The following TMEM232 variants were observed in gnomAD, a reference collection of about 807,000 sequenced individuals.
TMEM232 encodes the protein transmembrane protein 232.
TMEM232 carries 80 observed loss-of-function variants against 78.8 expected under a neutral mutation model. The observed-to-expected ratio is 1.01, with a 90% confidence interval of 0.85 to 1.22. TMEM232 has a LOEUF of 1.22. Among genes scored for constraint, TMEM232 ranks in the 50% most tolerant of loss-of-function variants. The pLI is 0.00. For missense variants in TMEM232, 881 were observed against 742.2 expected (o/e 1.19, Z -2.17); for synonymous variants, 297 against 254.3 (o/e 1.17, Z -1.60).
intron 12 of TMEM232, chr5:110,513,920 T>C (rs1768180845): frequency 5.9e-6 from 1 of 170,256 alleles, no homozygotes; most frequent in South Asian, 2.0e-4. Context: ...CCTAATATTT[T>C]GAGTACATAT....
At chr5:110,628,457 A>T (rs1297175051) in intron 5 of TMEM232, among the ~76,000 whole-genome samples, 1 of 152,138 alleles carries the variant, frequency 6.6e-6, no homozygotes, top group Non-Finnish European at 1.5e-5. Context: ...GTCATTATTA[A>T]ATAAGCAATG....
chr5:110,548,311 T>C lies in TMEM232; in HGVS notation c.1456-19476A>G, dbSNP rs148989351. 6.5e-3 allele frequency among the ~76,000 whole-genome samples: 976 copies of C among 150,032 alleles called. 20 individuals carry two copies. The highest frequency in any genetic ancestry group is 0.022 in the African/African-American group (902 of 41,228). On this transcript the variant is annotated intron_variant, in intron 11 of 13. Coordinates refer to ENST00000455884, the MANE Select transcript of TMEM232 (RefSeq NM_001039763.4). ...AATTAAAATGCTAAACAGAATTGCA[T>C]AAGAAAGTGGGTATAAATATTAAAT...
intron 1 of TMEM232, among the ~76,000 whole-genome samples, chr5:110,736,742 A>G (rs1799211181): frequency 6.6e-6 from 1 of 151,964 alleles, no homozygotes; most frequent in African/African-American, 2.4e-5. Flanking sequence ...ATACAGTCAC[A>G]TTACTCCTCT....
At chr5:110,498,093 A>G (rs1331673484) in intron 12 of TMEM232, among the ~76,000 whole-genome samples, 1 of 152,196 alleles carries the variant, frequency 6.6e-6, no homozygotes, top group Non-Finnish European at 1.5e-5. Context: ...AGACTCTTCA[A>G]ATAAGCATGG....
At chr5:110,656,064 A>C (rs1789009433) in intron 2 of TMEM232, among the ~76,000 whole-genome samples, 1 of 152,036 alleles carries the variant, frequency 6.6e-6, no homozygotes, top group Non-Finnish European at 1.5e-5. Context: ...ATAAAAAAAA[A>C]ACAATACTTT....
intron 12 of TMEM232, among the ~76,000 whole-genome samples, chr5:110,524,238 G>A (rs1360196139): frequency 2.1e-5 from 3 of 144,142 alleles, no homozygotes; most frequent in Non-Finnish European, 4.5e-5. Flanking sequence ...TCCAGCTTGG[G>A]CGTCAGAACG....
intron 11 of TMEM232, among the ~76,000 whole-genome samples, chr5:110,554,166 T>A (rs1468263450): frequency 1.2e-4 from 18 of 152,050 alleles, no homozygotes; most frequent in Admixed American, 1.2e-3. Flanking sequence ...AACATTTGAG[T>A]CAGTGGGCTG....
At chr5:110,612,128 A>T (rs1241833557) in intron 8 of TMEM232, among the ~76,000 whole-genome samples, 2 of 152,090 alleles carry the variant, frequency 1.3e-5, no homozygotes, top group Admixed American at 1.3e-4. Context: ...TCTCATTTAA[A>T]TTTTTCAAAA....
At chr5:110,509,317 C>T (rs1767412280) in intron 12 of TMEM232, among the ~76,000 whole-genome samples, 1 of 151,882 alleles carries the variant, frequency 6.6e-6, no homozygotes. Context: ...TGCCTGTACT[C>T]CTAGCTACTC....
chr5:110,414,775 GGTGT>G (rs892960174), downstream of TMEM232, among the ~76,000 whole-genome samples: 15 of 152,240 alleles, frequency 9.9e-5, no homozygotes, highest in Non-Finnish European at 2.1e-4. Flanking sequence ...GGAGAGGTCT[GGTGT>G]GTGTAAGGAA....
chr5:110,722,972 T>C (rs1161857368), intron 1 of TMEM232, among the ~76,000 whole-genome samples: 1 of 152,194 alleles, frequency 6.6e-6, no homozygotes, highest in Non-Finnish European at 1.5e-5. Flanking sequence ...TAGTTTTCTT[T>C]TCTTATAATG....
intron 12 of TMEM232, among the ~76,000 whole-genome samples, chr5:110,451,285 AATATTTTCTTTTATCTCCAGAACC>A (rs1335141515): frequency 6.6e-6 from 1 of 152,162 alleles, no homozygotes; most frequent in Non-Finnish European, 1.5e-5. Context: ...TGAGAGCAAG[AATATTTTCTTTTATCTCCAGAACC>A]TAGAATATAT....
chr5:110,453,915 C>T (rs1422491224), intron 12 of TMEM232, among the ~76,000 whole-genome samples: 2 of 149,270 alleles, frequency 1.3e-5, no homozygotes, highest in Non-Finnish European at 3.0e-5. Flanking sequence ...TAAAAAAGAA[C>T]ATTACAATGT....
chr5:110,485,716 TG>T (rs1346736283), intron 12 of TMEM232, among the ~76,000 whole-genome samples: 4 of 152,180 alleles, frequency 2.6e-5, no homozygotes, highest in Non-Finnish European at 1.5e-5. Context: ...TGTTGATTGA[TG>T]GGCACTTGGG....
At chr5:110,720,965 T>C (rs1797530046) in intron 1 of TMEM232, 1 of 152,126 alleles carries the variant, frequency 6.6e-6, no homozygotes, top group Non-Finnish European at 1.5e-5. Context: ...TATAGTGAGA[T>C]GAACATACAA....
intron 13 of TMEM232, among the ~76,000 whole-genome samples, chr5:110,424,340 A>T (rs1014802008): frequency 1.3e-5 from 2 of 152,184 alleles, no homozygotes; most frequent in Non-Finnish European, 2.9e-5. Flanking sequence ...TGGTTAAGAA[A>T]TTATCAACAA....
intron 12 of TMEM232, among the ~76,000 whole-genome samples, chr5:110,521,007 A>G (rs1464627517): frequency 1.3e-5 from 2 of 152,098 alleles, no homozygotes; most frequent in Non-Finnish European, 2.9e-5. Context: ...TAATCTACAC[A>G]CTAAACAGTA....
At chr5:110,592,519 T>C (rs960826669) in intron 10 of TMEM232, among the ~76,000 whole-genome samples, 2 of 152,124 alleles carry the variant, frequency 1.3e-5, no homozygotes, top group Non-Finnish European at 2.9e-5. Flanking sequence ...TTAATGCAGA[T>C]CAAACCTTTA....
intron 12 of TMEM232, among the ~76,000 whole-genome samples, chr5:110,455,220 T>G (rs1438505353): frequency 1.3e-5 from 2 of 152,152 alleles, no homozygotes; most frequent in African/African-American, 4.8e-5. Flanking sequence ...TCTTCCACAC[T>G]TTTAAGAAAG....
Sources: gnomAD v4.1 joint callset for allele counts (sites outside exome capture counted in the v4.1 genomes callset) on GRCh38, gnomAD v4.1.1 for gene constraint, MANE v1.5 for transcripts, NCBI Gene and HGNC (gene_info 2026-07-23, HGNC 2026-07-21) for gene names.